Variants in CCSER1 observed in about 807,000 individuals in gnomAD.
CCSER1 encodes the protein coiled-coil serine rich protein 1.
CCSER1 carries 41 observed loss-of-function variants against 82.0 expected under a neutral mutation model. The ratio of observed to expected loss-of-function variants is 0.50; its 90% confidence interval spans 0.39 to 0.65. The LOEUF (loss-of-function observed/expected upper bound fraction) is 0.65, where lower values mean the gene tolerates loss of function less well. Among genes scored for constraint, CCSER1 ranks in the 30% least tolerant of loss-of-function variants. The pLI is 0.00. For synonymous variants in CCSER1, 414 were observed against 383.9 expected (o/e 1.08, Z -0.92); for missense variants, 1,119 against 1,064.2 (o/e 1.05, Z -0.72).
intron 5 of CCSER1, among the ~76,000 whole-genome samples, chr4:90,472,550 G>C (rs1461087466): frequency 1.3e-5 from 2 of 152,172 alleles, no homozygotes; most frequent in Non-Finnish European, 2.9e-5. Flanking sequence ...GCTCATTACA[G>C]TGGCGGAGGA....
rs76585331 is a variant in CCSER1 at position 91,527,481 on chromosome 4, T to C, written c.2218-71091T>C. On this transcript the variant is annotated intron_variant, in intron 10 of 10. Coordinates refer to ENST00000509176, the MANE Select transcript of CCSER1 (RefSeq NM_001145065.2). The stretch of plus-strand genomic sequence containing the variant: ...AAAAGAAAGAGATCAATAAAGGCTA[T>C]TGTGATAGCCAAATAAGAAATGAAA... 1.7e-3 allele frequency among the ~76,000 whole-genome samples: 261 copies of C among 152,286 alleles called. 4 individuals carry two copies. Among genetic ancestry groups the C allele is most frequent in the African/African-American group, 6.0e-3 (248 of 41,552 alleles).
intron 1 of CCSER1, among the ~76,000 whole-genome samples, chr4:90,240,843 G>C (rs573751068): frequency 6.6e-6 from 1 of 152,240 alleles, no homozygotes; most frequent in Non-Finnish European, 1.5e-5. Flanking sequence ...TCTTAGGCCT[G>C]TGCTTATTTT....
intron 6 of CCSER1, among the ~76,000 whole-genome samples, chr4:90,699,325 C>G (rs377125177): frequency 1.3e-5 from 2 of 151,840 alleles, no homozygotes; most frequent in Non-Finnish European, 2.9e-5. Flanking sequence ...ATTACTCCAG[C>G]GTGGTGGTAC....
chr4:90,906,506 G>A (rs757778002), intron 8 of CCSER1, among the ~76,000 whole-genome samples: 1 of 152,014 alleles, frequency 6.6e-6, no homozygotes, highest in Non-Finnish European at 1.5e-5. Context: ...GGAGACTTTT[G>A]TGTCACTTCA....
intron 7 of CCSER1, 102 bp from the exon 8 acceptor site, chr4:90,815,660 A>T: frequency 1.4e-6 from 1 of 694,828 alleles, no homozygotes; most frequent in Non-Finnish European, 2.4e-6. Context: ...GAGTTTCGTT[A>T]GTCAGATGCA....
intron 3 of CCSER1, among the ~76,000 whole-genome samples, chr4:90,350,441 C>T (rs1004517918): frequency 6.6e-6 from 1 of 151,646 alleles, no homozygotes; most frequent in African/African-American, 2.4e-5. Context: ...AGTAATTGGA[C>T]AAGATGAAGA....
chr4:90,203,798 A>G (rs1490746296), intron 1 of CCSER1, among the ~76,000 whole-genome samples: 5 of 151,932 alleles, frequency 3.3e-5, no homozygotes, highest in Non-Finnish European at 7.4e-5. Context: ...ACTAACTTAC[A>G]CTCCCACCAA....
rs116630703 is a variant in CCSER1 at position 91,193,502 on chromosome 4, G to A, written c.2217+107508G>A. 5.0e-3 allele frequency among the ~76,000 whole-genome samples: 756 copies of A among 152,146 alleles called. 6 individuals carry two copies. Among genetic ancestry groups the A allele is most frequent in the African/African-American group, 0.017 (702 of 41,500 alleles). On this transcript the variant is annotated intron_variant, in intron 10 of 10. Coordinates refer to ENST00000509176, the MANE Select transcript of CCSER1 (RefSeq NM_001145065.2). ...TCTGTTATAATCTTAGATAAATTAC[G>A]TAATCTCCTCATACTAAATATATTT...
chr4:90,936,467 G>A (rs967110044), intron 9 of CCSER1, among the ~76,000 whole-genome samples: 1 of 151,934 alleles, frequency 6.6e-6, no homozygotes, highest in African/African-American at 2.4e-5. Flanking sequence ...TGACACAGAT[G>A]GATTAAGTTT....
At chr4:90,627,453 A>G (rs1177932213) in intron 5 of CCSER1, among the ~76,000 whole-genome samples, 1 of 151,896 alleles carries the variant, frequency 6.6e-6, no homozygotes, top group African/African-American at 2.4e-5. Flanking sequence ...ATTCAGAAAT[A>G]TATGTATAGT....
chr4:90,703,061 T>A (rs1392877377), intron 6 of CCSER1, among the ~76,000 whole-genome samples: 5 of 152,220 alleles, frequency 3.3e-5, no homozygotes, highest in African/African-American at 1.2e-4. Flanking sequence ...TTAATTGTGA[T>A]GTTAGGGTGT....
chr4:90,552,439 C>A (rs1777633651), intron 5 of CCSER1, among the ~76,000 whole-genome samples: 2 of 152,004 alleles, frequency 1.3e-5, no homozygotes, highest in South Asian at 4.2e-4. Context: ...TCAACAAGAA[C>A]TATGCTTTAT....
intron 4 of CCSER1, among the ~76,000 whole-genome samples, chr4:90,432,150 G>A (rs1189397723): frequency 6.6e-6 from 1 of 152,114 alleles, no homozygotes; most frequent in Non-Finnish European, 1.5e-5. Context: ...ACATGATAGA[G>A]TCATTATGCA....
At chr4:90,723,657 T>C (rs1220728164) in intron 6 of CCSER1, among the ~76,000 whole-genome samples, 1 of 151,728 alleles carries the variant, frequency 6.6e-6, no homozygotes, top group Admixed American at 6.6e-5. Context: ...ACACAAAAAA[T>C]GGCCATTATA....
intron 9 of CCSER1, among the ~76,000 whole-genome samples, chr4:90,933,434 A>G (rs1037713245): frequency 2.0e-5 from 3 of 149,536 alleles, no homozygotes; most frequent in South Asian, 2.1e-4. Flanking sequence ...TGATCCGCCC[A>G]CCTCGGCCTC....
chr4:90,671,481 A>G (rs1050015434), intron 6 of CCSER1, among the ~76,000 whole-genome samples: 1 of 151,922 alleles, frequency 6.6e-6, no homozygotes, highest in Admixed American at 6.6e-5. Flanking sequence ...GTAAGAAGCA[A>G]CTCCTCATCT....
intron 10 of CCSER1, among the ~76,000 whole-genome samples, chr4:91,409,262 G>T (rs2149369410): frequency 6.6e-6 from 1 of 152,214 alleles, no homozygotes; most frequent in East Asian, 1.9e-4. Flanking sequence ...TTATTTGAAT[G>T]ATTTTAATTA....
chr4:90,883,769 T>C (rs1404955253), intron 8 of CCSER1, among the ~76,000 whole-genome samples: 1 of 152,152 alleles, frequency 6.6e-6, no homozygotes, highest in Non-Finnish European at 1.5e-5. Flanking sequence ...CCACTTCCTC[T>C]TTCAGATGGA....
chr4:90,782,685 CTTTT>C lies in CCSER1; in HGVS notation c.2011-33064_2011-33061del, dbSNP rs61457393. ...AGGGATTTCTTTCTTTTCTTTCTTT[CTTTT>C]TTTTTTTTTTTTGAGACAGTCTAGC... is the stretch of plus-strand genomic sequence containing the variant. On this transcript the variant is annotated intron_variant, in intron 7 of 10. Coordinates refer to ENST00000509176, the MANE Select transcript of CCSER1 (RefSeq NM_001145065.2). Among the ~76,000 whole-genome samples the C allele has an allele frequency of 4.6e-4, 62 of 133,974 alleles. 1 individual carries two copies. In the East Asian group the frequency reaches 0.011, roughly 25 times the overall value. 87.9% of individuals were successfully genotyped at this position (133,974 alleles called of 152,430 possible). A position where few individuals can be genotyped will look rare whatever the true frequency, so the allele number is the denominator to read the frequency against.
Sources: allele counts gnomAD v4.1 joint callset (sites outside exome capture counted in the v4.1 genomes callset), GRCh38; gene constraint gnomAD v4.1.1; transcripts MANE v1.5; gene names NCBI Gene and HGNC (gene_info 2026-07-23, HGNC 2026-07-21).